PDE4DIP: variants seen among roughly 807,000 people sequenced by gnomAD.
PDE4DIP encodes the protein phosphodiesterase 4D interacting protein.
In PDE4DIP, 59 loss-of-function variants were observed where a neutral mutation model predicts 221.4. The observed-to-expected ratio is 0.27, with a 90% CI of 0.22 to 0.33. The LOEUF (loss-of-function observed/expected upper bound fraction) is 0.33, where lower values mean the gene tolerates loss of function less well. Ranked by LOEUF, PDE4DIP falls within the 10% of genes least tolerant of loss-of-function variation. The pLI, the probability that PDE4DIP is intolerant of heterozygous loss-of-function variation, is 1.00. For missense variants in PDE4DIP, 1,036 were observed against 2,154.2 expected (o/e 0.48, Z 10.28); for synonymous variants, 404 against 815.9 (o/e 0.50, Z 8.60).
intron 3 of PDE4DIP, among the ~76,000 whole-genome samples, chr1:148,876,755 T>C (rs1490887536): frequency 1.7e-5 from 2 of 119,894 alleles, no homozygotes; most frequent in Non-Finnish European, 3.3e-5. Context: ...GGCTCACGCC[T>C]GTAATTCCAG....
At chr1:148,827,558 G>A (rs1571430686) in intron 1 of PDE4DIP, among the ~76,000 whole-genome samples, 2 of 87,086 alleles carry the variant, frequency 2.3e-5, no homozygotes, top group African/African-American at 7.0e-5. Context: ...CCGGCCAAGG[G>A]TGTTATATTC....
At chr1:148,971,642 TA>T (rs1354475282) in intron 14 of PDE4DIP, among the ~76,000 whole-genome samples, 1 of 151,472 alleles carries the variant, frequency 6.6e-6, no homozygotes, top group East Asian at 1.9e-4. Flanking sequence ...ACAGTATTAT[TA>T]ACTAAAGTCA....
chr1:148,994,584 A>G (rs1471135089), intron 22 of PDE4DIP, among the ~76,000 whole-genome samples: 1 of 151,440 alleles, frequency 6.6e-6, no homozygotes, highest in African/African-American at 2.4e-5. Context: ...GTATATGATT[A>G]TATATATATA....
chr1:149,032,923 T>C (rs2152841783), exon 44 of PDE4DIP: 1 of 202,324 alleles, frequency 4.9e-6, no homozygotes, highest in African/African-American at 2.3e-5. Flanking sequence ...AAGGCCAACA[T>C]AACTGGTGGA....
At chr1:149,015,792 T>A (rs1315178412) in intron 32 of PDE4DIP, among the ~76,000 whole-genome samples, 1 of 151,966 alleles carries the variant, frequency 6.6e-6, no homozygotes, top group Non-Finnish European at 1.5e-5. Flanking sequence ...AGGGCCACCA[T>A]ATCCAGCTTG....
chr1:148,948,642 G>C (rs1273555176), intron 5 of PDE4DIP, among the ~76,000 whole-genome samples: 1 of 151,472 alleles, frequency 6.6e-6, no homozygotes, highest in Non-Finnish European at 1.5e-5. Flanking sequence ...AATTTTGAGG[G>C]AAACACATAG....
chr1:148,905,344 C>T (rs60535272), intron 1 of PDE4DIP, among the ~76,000 whole-genome samples: 15 of 67,498 alleles, frequency 2.2e-4, no homozygotes, highest in East Asian at 8.3e-4. Context: ...CCATGGCGTC[C>T]GGCTAATTTT....
At chr1:148,976,533 G>A (rs1363389327) in intron 17 of PDE4DIP, among the ~76,000 whole-genome samples, 4 of 152,036 alleles carry the variant, frequency 2.6e-5, no homozygotes, top group African/African-American at 7.2e-5. Context: ...TCATTCATTA[G>A]CTATATGGGG....
At chr1:148,996,492 G>C (rs1447824305) in intron 22 of PDE4DIP, among the ~76,000 whole-genome samples, 31 of 152,258 alleles carry the variant, frequency 2.0e-4, no homozygotes, top group Middle Eastern at 3.4e-3. Flanking sequence ...ACATTCCCAG[G>C]AGCCTCCCAA....
intron 31 of PDE4DIP, 61 bp from the exon 35 acceptor site, chr1:149,012,530 T>A: frequency 1.1e-6 from 1 of 947,246 alleles, no homozygotes; most frequent in South Asian, 1.6e-5. Context: ...CTTTTACCCA[T>A]TCTTTTCTCT....
exon 21 of PDE4DIP, chr1:148,981,394 G>C: frequency 6.2e-7 from 1 of 1,614,026 alleles, no homozygotes; most frequent in Non-Finnish European, 8.5e-7. Flanking sequence ...GGCCGCCATT[G>C]GAGGTGGGGA....
chr1:148,929,765 T>G (rs1387812653), intron 2 of PDE4DIP: 2 of 153,792 alleles, frequency 1.3e-5, no homozygotes, highest in Non-Finnish European at 2.9e-5. Context: ...AGAAGGAATC[T>G]GTTTCTTATA....
intron 37 of PDE4DIP, 128 bp from the exon 41 acceptor site, chr1:149,024,317 A>G (rs1469303433): frequency 2.1e-5 from 17 of 808,264 alleles, no homozygotes; most frequent in Non-Finnish European, 3.4e-5. Context: ...TGACATCTCC[A>G]TCACAGATGG....
At chr1:149,002,152 CAATAAT>C (rs1553579876) in intron 24 of PDE4DIP, 126 bp downstream of exon 27, 3 of 538,836 alleles carry the variant, frequency 5.6e-6, no homozygotes, top group Admixed American at 3.4e-5. Context: ...GTACCACAAA[CAATAAT>C]AGTAATATTC....
intron 4 of PDE4DIP, among the ~76,000 whole-genome samples, chr1:148,936,644 T>C (rs587630006): frequency 3.9e-5 from 6 of 152,374 alleles, no homozygotes; most frequent in African/African-American, 1.4e-4. Context: ...ACACATTTTG[T>C]AGTCATATAA....
chr1:148,971,025 A>C (rs1219733431), intron 14 of PDE4DIP, among the ~76,000 whole-genome samples: 4 of 151,706 alleles, frequency 2.6e-5, no homozygotes, highest in Non-Finnish European at 4.4e-5. Context: ...TTTTAATATC[A>C]ATTTATTATT....
At chr1:149,026,380 C>G (rs1160935564) in intron 38 of PDE4DIP, 1 of 165,502 alleles carries the variant, frequency 6.0e-6, no homozygotes, top group African/African-American at 2.4e-5. Context: ...ATACATATTA[C>G]ATTTAGTTAC....
chr1:149,011,190 T>C (rs2068531352), intron 31 of PDE4DIP, among the ~76,000 whole-genome samples: 1 of 141,978 alleles, frequency 7.0e-6, no homozygotes, highest in Non-Finnish European at 1.5e-5. Flanking sequence ...ACACTGCTCA[T>C]TCACAGCCCT....
chr1:148,905,188 T>G (rs1268547212), intron 1 of PDE4DIP, among the ~76,000 whole-genome samples: 20 of 146,094 alleles, frequency 1.4e-4, no homozygotes, highest in African/African-American at 4.8e-4. Context: ...GTTTTTTTTT[T>G]TTTTTTTTTT....
Sources: gnomAD v4.1 joint callset for allele counts (sites outside exome capture counted in the v4.1 genomes callset) on GRCh38, gnomAD v4.1.1 for gene constraint, MANE v1.5 for transcripts, NCBI Gene and HGNC (gene_info 2026-07-23, HGNC 2026-07-21) for gene names.